DPYD: variants seen among roughly 807,000 people sequenced by gnomAD.
DPYD encodes the protein dihydropyrimidine dehydrogenase.
In DPYD, 109 loss-of-function variants were observed where a neutral mutation model predicts 116.2. The ratio of observed to expected loss-of-function variants is 0.94; its 90% CI spans 0.80 to 1.10. The LOEUF (loss-of-function observed/expected upper bound fraction) is 1.10, where lower values mean the gene tolerates loss of function less well. DPYD is among the 50% of genes least tolerant of loss of function. The pLI, the probability that DPYD is intolerant of heterozygous loss-of-function variation, is 0.00. For missense variants in DPYD, 1,302 were observed against 1,254.5 expected (o/e 1.04, Z -0.57); for synonymous variants, 440 against 432.0 (o/e 1.02, Z -0.23).
intron 2 of DPYD, among the ~76,000 whole-genome samples, chr1:97,851,266 A>ATATATATG (rs1491116321): frequency 6.8e-6 from 1 of 147,824 alleles, no homozygotes; most frequent in Admixed American, 6.8e-5. Flanking sequence ...ATATATATAT[A>ATATATATG]TGTCACTTCT....
chr1:97,158,181 C>T (rs1468220191), intron 20 of DPYD, among the ~76,000 whole-genome samples: 1 of 151,938 alleles, frequency 6.6e-6, no homozygotes, highest in East Asian at 1.9e-4. Flanking sequence ...GTCCAATTCC[C>T]CAGGGCTTTT....
rs1280539293 is a variant in DPYD, at chr1:97,834,356, CT to C, written c.151-6161del. Among the ~76,000 whole-genome samples, 14 of 150,742 alleles carry C rather than the reference CT, an allele frequency of 9.3e-5. No individual in the cohort carries two copies. In the East Asian group the frequency reaches 2.0e-3, roughly 21 times the overall value. ...TCATTGAGACACCAAGGTTTAAAAC[CT>C]TTTTTTTAACTCCTTATTTTGAAAA... On this transcript the variant is annotated intron_variant, in intron 2 of 22. Transcript: ENST00000370192.
At chr1:97,355,087 T>A (rs1209637876) in intron 16 of DPYD, among the ~76,000 whole-genome samples, 2 of 152,208 alleles carry the variant, frequency 1.3e-5, no homozygotes, top group South Asian at 4.1e-4. Flanking sequence ...TTTATTATTT[T>A]GGGATATATT....
intron 3 of DPYD, among the ~76,000 whole-genome samples, chr1:97,772,222 C>A (rs1666180686): frequency 6.6e-6 from 1 of 152,138 alleles, no homozygotes; most frequent in Non-Finnish European, 1.5e-5. Context: ...CCTCTGTATT[C>A]AATAACTACT....
chr1:97,384,153 T>A (rs942881100), intron 14 of DPYD, among the ~76,000 whole-genome samples: 2 of 151,414 alleles, frequency 1.3e-5, no homozygotes, highest in African/African-American at 4.9e-5. Context: ...ACACAAAGAG[T>A]TTGTGCCAAG....
intron 5 of DPYD, among the ~76,000 whole-genome samples, chr1:97,706,788 T>C (rs769714721): frequency 2.0e-5 from 3 of 152,132 alleles, no homozygotes; most frequent in South Asian, 2.1e-4. Flanking sequence ...CTCAAAAATT[T>C]TGGTGATTAT....
intron 1 of DPYD, among the ~76,000 whole-genome samples, chr1:97,919,758 A>C (rs1030984175): frequency 6.6e-6 from 1 of 152,144 alleles, no homozygotes; most frequent in Non-Finnish European, 1.5e-5. Flanking sequence ...CAGAAACCAA[A>C]AGTAAACTAA....
intron 3 of DPYD, among the ~76,000 whole-genome samples, chr1:97,750,655 T>C (rs928116483): frequency 7.2e-5 from 11 of 152,086 alleles, no homozygotes; most frequent in African/African-American, 2.7e-4. Flanking sequence ...TTTCTCAAAA[T>C]CCCTCCAAAG....
chr1:97,333,282 C>T (rs1472282989), intron 16 of DPYD, among the ~76,000 whole-genome samples: 2 of 151,782 alleles, frequency 1.3e-5, no homozygotes, highest in Non-Finnish European at 2.9e-5. Context: ...CAGAGTAATA[C>T]ACCCTTCTTG....
chr1:97,720,498 C>A, intron 5 of DPYD: 1 of 996,802 alleles, frequency 1.0e-6, no homozygotes. Context: ...TTTATTGCAA[C>A]AATCCACAAC....
chr1:97,511,627 G>A (rs926652489), intron 13 of DPYD, among the ~76,000 whole-genome samples: 2 of 151,874 alleles, frequency 1.3e-5, no homozygotes, highest in Non-Finnish European at 2.9e-5. Context: ...TATGAGAAGG[G>A]TGATATGGGG....
chr1:97,212,675 T>C (rs1660114786), intron 19 of DPYD, among the ~76,000 whole-genome samples: 1 of 152,174 alleles, frequency 6.6e-6, no homozygotes, highest in African/African-American at 2.4e-5. Context: ...CACCGTTTTA[T>C]ATTCCAACAA....
intron 8 of DPYD, among the ~76,000 whole-genome samples, chr1:97,615,166 T>C (rs953992114): frequency 1.3e-5 from 2 of 152,234 alleles, no homozygotes; most frequent in Middle Eastern, 3.4e-3. Flanking sequence ...CATAAACCCA[T>C]ATATCCAGTT....
chr1:97,691,407 A>T (rs1661001772), intron 7 of DPYD: 1 of 250,406 alleles, frequency 4.0e-6, no homozygotes, highest in African/African-American at 2.2e-5. Context: ...AAAAAACATG[A>T]TTAAAGAAAC....
chr1:97,704,108 C>T (rs1349822599), intron 5 of DPYD, among the ~76,000 whole-genome samples: 1 of 151,992 alleles, frequency 6.6e-6, no homozygotes, highest in East Asian at 1.9e-4. Flanking sequence ...GCCCTCTATC[C>T]CTTTAAAACA....
chr1:97,865,564 T>A (rs1260499263), intron 2 of DPYD, among the ~76,000 whole-genome samples: 4 of 151,954 alleles, frequency 2.6e-5, no homozygotes, highest in Non-Finnish European at 5.9e-5. Flanking sequence ...AACCACACAG[T>A]TCCATTCTTC....
At chr1:97,888,829 T>C (rs1334086916) in intron 1 of DPYD, among the ~76,000 whole-genome samples, 1 of 152,022 alleles carries the variant, frequency 6.6e-6, no homozygotes, top group Admixed American at 6.6e-5. Context: ...ATAAGAGAAT[T>C]TGTTATTAGC....
At chr1:97,820,525 A>G (rs1178768608) in intron 3 of DPYD, among the ~76,000 whole-genome samples, 1 of 152,218 alleles carries the variant, frequency 6.6e-6, no homozygotes, top group Non-Finnish European at 1.5e-5. Flanking sequence ...TTCCAAGTTT[A>G]CATGGCTATA....
intron 20 of DPYD, among the ~76,000 whole-genome samples, chr1:97,180,842 G>T (rs1171549116): frequency 6.6e-6 from 1 of 152,114 alleles, no homozygotes; most frequent in Non-Finnish European, 1.5e-5. Flanking sequence ...GAGAAATGGG[G>T]AATCATAATC....
Sources: gnomAD v4.1 joint callset for allele counts (sites outside exome capture counted in the v4.1 genomes callset) on GRCh38, gnomAD v4.1.1 for gene constraint, MANE v1.5 for transcripts, NCBI Gene and HGNC (gene_info 2026-07-23, HGNC 2026-07-21) for gene names.